EEF1AKMT4: variants seen among roughly 807,000 people sequenced by gnomAD.
The protein encoded by EEF1AKMT4 is eukaryotic translation elongation factor 1 alpha lysine specific methyltransferase 4.
EEF1AKMT4 carries 17 observed loss-of-function variants against 23.0 expected under a neutral mutation model. The observed-to-expected ratio is 0.74, with a 90% CI of 0.51 to 1.11. The LOEUF is 1.11. Among genes scored for constraint, EEF1AKMT4 ranks in the 50% least tolerant of loss-of-function variants. The pLI is 0.00. For missense variants in EEF1AKMT4, 318 were observed against 333.4 expected, an observed-to-expected ratio of 0.95 and a Z score of 0.36; for synonymous variants, 140 against 141.4, an observed-to-expected ratio of 0.99 and a Z score of 0.07.
intron 1 of EEF1AKMT4, among the ~76,000 whole-genome samples, chr3:184,253,713 A>G (rs1256617372): frequency 3.4e-5 from 5 of 148,300 alleles, no homozygotes; most frequent in Non-Finnish European, 7.4e-5. Flanking sequence ...TCTGTTGTCC[A>G]GGCTGGAGTG....
chr3:184,250,534 C>T (rs1383765436), intron 1 of EEF1AKMT4, among the ~76,000 whole-genome samples: 2 of 152,192 alleles, frequency 1.3e-5, no homozygotes, highest in African/African-American at 2.4e-5. Context: ...TTCGGCTGAC[C>T]TCTTGAGGTT....
At position 184,257,803 on chromosome 3, in the gene EEF1AKMT4, G is replaced by A. The variant is rs560647786; in HGVS notation, c.480+47G>A. On this transcript the variant is annotated intron_variant, in intron 2 of 2. Transcript: ENST00000324557. Reference sequence around the variant, plus strand: ...AAAGCAGATCAATAGGTGGGGCTGCGGGGTTGAGGTTTCAGGGGACTGGAA... The same window carrying A: ...AAAGCAGATCAATAGGTGGGGCTGCAGGGTTGAGGTTTCAGGGGACTGGAA... 19 of 1,565,134 alleles carry A rather than the reference G, an allele frequency of 1.2e-5. No individual in the cohort carries two copies. In the Admixed American group the frequency reaches 2.0e-4, roughly 16 times the overall value.
chr3:184,250,051 A>C (rs956784236), intron 1 of EEF1AKMT4, among the ~76,000 whole-genome samples, 161 bp downstream of exon 1: 1 of 152,176 alleles, frequency 6.6e-6, no homozygotes, highest in African/African-American at 2.4e-5. Context: ...GTATTTAGTC[A>C]AGGCTAACAG....
chr3:184,254,189 G>C (rs1207581286), intron 1 of EEF1AKMT4, among the ~76,000 whole-genome samples: 1 of 152,096 alleles, frequency 6.6e-6, no homozygotes, highest in Non-Finnish European at 1.5e-5. Flanking sequence ...CATAGCAAAT[G>C]AATGTATATG....
In EEF1AKMT4 at chr3:184,257,732, C is replaced by T. The variant is rs767504376; in HGVS notation, c.456C>T (p.His152=). The T allele has an allele frequency of 1.2e-6, 2 of 1,613,316 alleles. No homozygotes were observed. The highest frequency in any genetic ancestry group is 1.1e-5 in the South Asian group (1 of 91,022). The change falls in exon 2 of 3, where the codon CAC becomes CAT. Residue 152 remains histidine, a synonymous_variant. Transcript: ENST00000324557. The stretch of plus-strand genomic sequence containing the variant: ...GGACCGTGTCCTCTGAAGGTGTCCA[C>T]ACTGTGGACCAGGTGTTGAGTGAGG... The part of the protein sequence containing the change: ...DPWTVSSEGV[H]TVDQVLSEVS...
intron 1 of EEF1AKMT4, among the ~76,000 whole-genome samples, chr3:184,253,605 G>A (rs533073617): frequency 6.6e-6 from 1 of 151,984 alleles, no homozygotes; most frequent in Non-Finnish European, 1.5e-5. Context: ...ATGTGACCTT[G>A]AGAAAGTTTC....
rs772743024 is a variant in EEF1AKMT4 at position 184,258,584 on chromosome 3, C to T, written c.*9C>T. On this transcript the variant is annotated 3_prime_UTR_variant, in exon 3 of 3. Transcript: ENST00000324557. ...GTGCCATTCAGCTCTGAGGCCAGAG[C>T]ATGGTCCTCCACCCTTCCTGCCATT... is the stretch of plus-strand genomic sequence containing the variant. 1.2e-5 allele frequency: 18 copies of T among 1,561,618 alleles called. No individual in the cohort carries two copies. The East Asian group carries it at 4.0e-4, about 35-fold the overall frequency.
intron 1 of EEF1AKMT4, among the ~76,000 whole-genome samples, chr3:184,250,110 C>G (rs931276227): frequency 1.3e-5 from 2 of 152,222 alleles, no homozygotes; most frequent in Non-Finnish European, 2.9e-5. Context: ...GACAGTCCCT[C>G]AGAGTTTGAG....
chr3:184,253,725 A>G (rs566335733), intron 1 of EEF1AKMT4, among the ~76,000 whole-genome samples: 1 of 148,358 alleles, frequency 6.7e-6, no homozygotes, highest in South Asian at 2.1e-4. Context: ...GCTGGAGTGC[A>G]GTGGTGCAAT....
At chr3:184,252,788 TA>T (rs1381276336) in intron 1 of EEF1AKMT4, among the ~76,000 whole-genome samples, 1 of 151,364 alleles carries the variant, frequency 6.6e-6, no homozygotes, top group Non-Finnish European at 1.5e-5. Flanking sequence ...ACTAAAAACA[TA>T]AAAATCAGCC....
chr3:184,251,132 T>A (rs148194616), intron 1 of EEF1AKMT4, among the ~76,000 whole-genome samples: 7 of 146,248 alleles, frequency 4.8e-5, no homozygotes, highest in African/African-American at 1.5e-4. Flanking sequence ...TGGGCTGGCC[T>A]CATGATTCAT....
chr3:184,257,866 T>C, intron 2 of EEF1AKMT4, 110 bp downstream of exon 2: 2 of 1,373,506 alleles, frequency 1.5e-6, no homozygotes, highest in South Asian at 2.8e-5. Context: ...GAGCAAGTAG[T>C]GGGTCGCCCT....
At chr3:184,254,637 T>A (rs2636560) in intron 1 of EEF1AKMT4, among the ~76,000 whole-genome samples, 1 of 149,868 alleles carries the variant, frequency 6.7e-6, no homozygotes, top group Non-Finnish European at 1.5e-5. Flanking sequence ...GGCGTGAACC[T>A]GGGAGGCGGA....
Position 184,250,129 on chromosome 3 carries a change from G to T in EEF1AKMT4, c.196+239G>T, listed in dbSNP as rs766265447. Among the ~76,000 whole-genome samples the T allele has an allele frequency of 4.6e-5, 7 of 152,352 alleles. No homozygotes were observed. In the East Asian group the frequency reaches 5.8e-4, roughly 13 times the overall value. ...GTCCCTCAGAGTTTGAGCGTTGGGG[G>T]TACCCAAGACCCTGTCCGGACCCTC... On this transcript the variant is annotated intron_variant, in intron 1 of 2. Transcript: ENST00000324557.
intron 1 of EEF1AKMT4, among the ~76,000 whole-genome samples, chr3:184,256,272 C>CAGAAAAAAA (rs1323118764): frequency 1.8e-5 from 1 of 54,206 alleles, no homozygotes; most frequent in African/African-American, 6.6e-5. Flanking sequence ...AACTCCATCT[C>CAGAAAAAAA]AAAAAAAAAA....
intron 1 of EEF1AKMT4, among the ~76,000 whole-genome samples, chr3:184,253,866 C>T: frequency 6.6e-6 from 1 of 152,202 alleles, no homozygotes; most frequent in South Asian, 2.1e-4. Flanking sequence ...GACGGGGTTT[C>T]ACCATGTTGG....
intron 1 of EEF1AKMT4, 34 bp from the exon 2 acceptor site, chr3:184,257,439 T>A (rs762569476): frequency 1.0e-5 from 16 of 1,570,452 alleles, no homozygotes; most frequent in Middle Eastern, 1.7e-4. Flanking sequence ...AAAACTAACG[T>A]AGCTCTTTTG....
chr3:184,250,567 G>A (rs920999288), intron 1 of EEF1AKMT4, among the ~76,000 whole-genome samples: 4 of 152,208 alleles, frequency 2.6e-5, no homozygotes, highest in African/African-American at 9.6e-5. Flanking sequence ...CAGCCTTGGA[G>A]GCGCTAGTAA....
Position 184,249,768 on chromosome 3 carries a change from A to C in EEF1AKMT4, c.74A>C (p.Tyr25Ser). The change falls in exon 1 of 3, where the codon TAC (tyrosine) becomes TCC (serine). Residue 25 changes from tyrosine (Y) to serine (S), a missense_variant. Tyr to Ser is a moderately radical substitution (Grantham distance 144, BLOSUM62 -2). Coordinates refer to ENST00000324557, the MANE Select transcript of EEF1AKMT4 (RefSeq NM_032331.4). ...ERNCGYREVE[Y>S]WDQRYQGAAD... is the part of the protein sequence containing the mutation. ...AACTGCGGGTACCGCGAAGTCGAGT[A>C]CTGGGATCAGCGCTACCAAGGCGCA... 1 of 1,613,266 alleles carries C rather than the reference A, an allele frequency of 6.2e-7. No homozygotes were observed. Among genetic ancestry groups the C allele is most frequent in the Non-Finnish European group, 8.5e-7 (1 of 1,180,000 alleles).
Sources: gnomAD v4.1 joint callset for allele counts (sites outside exome capture counted in the v4.1 genomes callset) on GRCh38, gnomAD v4.1.1 for gene constraint, MANE v1.5 for transcripts, NCBI Gene and HGNC (gene_info 2026-07-23, HGNC 2026-07-21) for gene names.